Variants in POMT2 observed in about 807,000 individuals in gnomAD.
POMT2 encodes the protein protein O-mannosyl-transferase 2.
In POMT2, 75 loss-of-function variants were observed where a neutral mutation model predicts 100.0. That is an observed-to-expected ratio of 0.75 (90% CI 0.62 to 0.91). The LOEUF (loss-of-function observed/expected upper bound fraction) is 0.91. Ranked by LOEUF, POMT2 falls within the 40% of genes least tolerant of loss-of-function variation. The probability of loss-of-function intolerance (pLI) is 0.00; values close to 1 mark genes in which losing one functional copy is unlikely to be tolerated. For synonymous variants in POMT2, 378 were observed against 374.1 expected, an observed-to-expected ratio of 1.01 and a Z score of -0.12; for missense variants, 940 against 955.1, an observed-to-expected ratio of 0.98 and a Z score of 0.21.
chr14:77,314,204 A>G (rs1891543468), intron 1 of POMT2, among the ~76,000 whole-genome samples: 1 of 152,152 alleles, frequency 6.6e-6, no homozygotes, highest in African/African-American at 2.4e-5. Context: ...TCTCCCTCTG[A>G]GACAGAGGGC....
chr14:77,287,530 C>T (rs1458056592), intron 11 of POMT2: 5 of 104,758 alleles, frequency 4.8e-5, no homozygotes, highest in African/African-American at 8.8e-5. Context: ...CTCTCTCTCT[C>T]TCTCTCTCTC....
chr14:77,296,986 A>G (rs1890855206), intron 8 of POMT2, among the ~76,000 whole-genome samples: 3 of 152,224 alleles, frequency 2.0e-5, no homozygotes, highest in African/African-American at 7.2e-5. Context: ...GGCTTCACAC[A>G]CTGACAAGTA....
chr14:77,293,910 C>A (rs1346301795), intron 9 of POMT2, among the ~76,000 whole-genome samples: 3 of 152,188 alleles, frequency 2.0e-5, no homozygotes, highest in Non-Finnish European at 4.4e-5. Flanking sequence ...ATGACACCTG[C>A]AGCAATTTAT....
At chr14:77,301,353 T>C in intron 5 of POMT2, 104 bp from the exon 6 acceptor site, 1 of 1,466,572 alleles carries the variant, frequency 6.8e-7, no homozygotes, top group African/African-American at 1.4e-5. Flanking sequence ...GGCTGTGCTG[T>C]GCCCTGTCTT....
chr14:77,277,110 A>G lies in POMT2; in HGVS notation c.*266T>C. The G allele has an allele frequency of 1.9e-6, 1 of 518,886 alleles. No homozygotes were observed. The highest frequency in any genetic ancestry group is 2.1e-5 in the South Asian group (1 of 48,362). The allele number at this position is 518,886 out of a possible 1,614,324, so 32.1% of individuals were successfully genotyped here. On this transcript the variant is annotated 3_prime_UTR_variant, in exon 21 of 21. Transcript: ENST00000261534. ...CGCGCACCCACTCCCACCCTCTGGC[A>G]CCCATCCTCCCCTGCGCTGTGCACG...
At chr14:77,306,933 A>G (rs1346139977) in intron 2 of POMT2, 2 of 189,092 alleles carry the variant, frequency 1.1e-5, no homozygotes, top group African/African-American at 2.4e-5. Flanking sequence ...GAGGAATGCA[A>G]AGACAGATGC....
At chr14:77,305,459 T>C (rs1475223876) in intron 3 of POMT2, among the ~76,000 whole-genome samples, 2 of 152,190 alleles carry the variant, frequency 1.3e-5, no homozygotes, top group Non-Finnish European at 2.9e-5. Context: ...TCACATCCAA[T>C]TATGTATGGT....
chr14:77,313,967 C>A (rs528057756), intron 1 of POMT2, among the ~76,000 whole-genome samples: 3 of 152,218 alleles, frequency 2.0e-5, no homozygotes, highest in East Asian at 1.9e-4. Flanking sequence ...CCTCAGCCCC[C>A]CAAAGTGCTG....
At position 77,304,586 on chromosome 14, in the gene POMT2, T is replaced by C. The variant is rs1594798883; in HGVS notation, c.547+106A>G. 6 of 1,518,948 alleles carry C rather than the reference T, an allele frequency of 4.0e-6. No individual in the cohort carries two copies. The Admixed American group carries it at 8.1e-5, about 20-fold the overall frequency. The allele number at this position is 1,518,948 out of a possible 1,614,324, so 94.1% of individuals were successfully genotyped here. On this transcript the variant is annotated intron_variant, in intron 4 of 20. Coordinates refer to ENST00000261534, the MANE Select transcript of POMT2 (RefSeq NM_013382.7). ...ACATTTTACCCAATCCTAAAATTAA[T>C]TGAACTGGACCCACATATAGGGCCC...
chr14:77,318,376 CT>C (rs1891702832), intron 1 of POMT2, among the ~76,000 whole-genome samples: 1 of 152,244 alleles, frequency 6.6e-6, no homozygotes, highest in Admixed American at 6.5e-5. Context: ...CACGGCCAGT[CT>C]TGAACTATTC....
At position 77,285,638 on chromosome 14, in the gene POMT2, A is replaced by C. The variant is rs780212814; in HGVS notation, c.1333-6T>G. On this transcript the variant is annotated splice_polypyrimidine_tract_variant and splice_region_variant and intron_variant, in intron 12 of 20. Coordinates refer to ENST00000261534, the MANE Select transcript of POMT2 (RefSeq NM_013382.7). ...TTTGAGTCCCCTGTTCCATTCTGCC[A>C]TAAAAGCCAAGAAAAAAATACAAAG... 1 of 1,611,682 alleles carries C rather than the reference A, an allele frequency of 6.2e-7. No homozygotes were observed. Among genetic ancestry groups the C allele is most frequent in the Non-Finnish European group, 8.5e-7 (1 of 1,177,712 alleles).
At chr14:77,300,950 G>A in intron 6 of POMT2, 140 bp downstream of exon 6, 1 of 1,528,344 alleles carries the variant, frequency 6.5e-7, no homozygotes, top group Non-Finnish European at 9.0e-7. Flanking sequence ...GCTGTCTGCG[G>A]AGGTTGGGGG....
rs780532724 is a variant in POMT2, at chr14:77,280,471, A to C, written c.1654-8T>G. On this transcript the variant is annotated splice_region_variant and splice_polypyrimidine_tract_variant and intron_variant, in intron 15 of 20. Coordinates refer to ENST00000261534, the MANE Select transcript of POMT2 (RefSeq NM_013382.7). ...TTTGAGGCCACTGTTCCCCTGCATG[A>C]AGGTAGCAAAGAAAGCTAGTCAAGA... 33 of 1,614,076 alleles carry C rather than the reference A, an allele frequency of 2.0e-5. No individual in the cohort carries two copies. Among genetic ancestry groups the C allele is most frequent in the Non-Finnish European group, 2.5e-5 (30 of 1,180,042 alleles).
At chr14:77,282,367 C>T (rs538175440) in intron 15 of POMT2, among the ~76,000 whole-genome samples, 28 of 152,294 alleles carry the variant, frequency 1.8e-4, no homozygotes, top group African/African-American at 6.7e-4. Flanking sequence ...GCCTTCTCCT[C>T]CAGGTCCCGG....
intron 11 of POMT2, 56 bp from the exon 12 acceptor site, chr14:77,286,878 T>G (rs1305248023): frequency 1.2e-6 from 2 of 1,612,944 alleles, no homozygotes; most frequent in Non-Finnish European, 1.7e-6. Flanking sequence ...TGTGCAACAT[T>G]TCTTCTTTTA....
intron 9 of POMT2, among the ~76,000 whole-genome samples, chr14:77,294,615 T>C (rs1262447237): frequency 6.6e-6 from 1 of 152,218 alleles, no homozygotes; most frequent in Admixed American, 6.5e-5. Flanking sequence ...CTGATGGTTT[T>C]TAAAACCATT....
chr14:77,287,525 T>C (rs1890473982), intron 11 of POMT2: 1 of 102,956 alleles, frequency 9.7e-6, no homozygotes, highest in Non-Finnish European at 2.2e-5. Flanking sequence ...TCTGTCTCTC[T>C]CTCTCTCTCT....
intron 6 of POMT2, chr14:77,299,873 C>G (rs1890958791): frequency 2.7e-6 from 1 of 373,552 alleles, no homozygotes; most frequent in South Asian, 2.1e-5. Context: ...CTCCATGTTC[C>G]AGGTACACTA....
rs1890085604 is a variant in POMT2 at position 77,278,788 on chromosome 14, C to T, written c.1973G>A (p.Gly658Asp). The change falls in exon 19 of 21, where the codon GGC becomes GAC. Residue 658 changes from glycine to aspartate, a missense_variant. Coordinates refer to ENST00000261534, the MANE Select transcript of POMT2 (RefSeq NM_013382.7). ...GTAGTGGTGGAAGTAGAGGACCCGG[C>T]CCATCAGGAAAAACGGGAAGTAATG... Reference protein sequence around the residue: ...TLHYFPFFLMGRVLYFHHYFP... With the variant: ...TLHYFPFFLMDRVLYFHHYFP... 6.2e-7 allele frequency: 1 copy of T among 1,613,742 alleles called. No homozygotes were observed. Among genetic ancestry groups the T allele is most frequent in the Non-Finnish European group, 8.5e-7 (1 of 1,179,914 alleles).
Sources: allele counts gnomAD v4.1 joint callset (sites outside exome capture counted in the v4.1 genomes callset), GRCh38; gene constraint gnomAD v4.1.1; transcripts MANE v1.5; gene names NCBI Gene and HGNC (gene_info 2026-07-23, HGNC 2026-07-21).